ZNF83: variants seen among roughly 807,000 people sequenced by gnomAD.
ZNF83 encodes the protein zinc finger protein 83, also known as zinc finger protein 816B.
For synonymous variants in ZNF83, 209 were observed against 213.0 expected, an observed-to-expected ratio of 0.98 and a Z score of 0.17; for missense variants, 552 against 629.9, an observed-to-expected ratio of 0.88 and a Z score of 1.32.
intron 2 of ZNF83, among the ~76,000 whole-genome samples, chr19:52,659,703 A>C (rs370201335): frequency 1.3e-5 from 2 of 152,146 alleles, no homozygotes; most frequent in African/African-American, 4.8e-5. Flanking sequence ...AATGGCAAAA[A>C]TTTCTAATTT....
chr19:52,656,433 G>A (rs1174280104), intron 2 of ZNF83, among the ~76,000 whole-genome samples: 2 of 152,152 alleles, frequency 1.3e-5, no homozygotes, highest in Non-Finnish European at 2.9e-5. Flanking sequence ...GCCGAGGCAG[G>A]GGAATTGCTT....
rs1448336029 is a variant in ZNF83 at position 52,626,879 on chromosome 19, A to G, written c.-234+8187T>C. ...ATTTTGTTTTATTTTTCTTATTAAT[A>G]TAAGAAGACAGGAATGTCAGGCCTC... On this transcript the variant is annotated intron_variant, in intron 2 of 2. Coordinates refer to ENST00000301096, the Ensembl canonical transcript of ZNF83. Among the ~76,000 whole-genome samples, 5 of 152,150 alleles carry G rather than the reference A, an allele frequency of 3.3e-5. No homozygotes were observed. The East Asian group carries it at 9.6e-4, about 29-fold the overall frequency.
At chr19:52,665,311 G>A (rs1023661822) in intron 1 of ZNF83, among the ~76,000 whole-genome samples, 1 of 152,016 alleles carries the variant, frequency 6.6e-6, no homozygotes. Flanking sequence ...AGCTACTCAG[G>A]AAGCAGGGGT....
intron 3 of ZNF83, chr19:52,654,239 C>A: frequency 6.3e-7 from 1 of 1,576,578 alleles, no homozygotes; most frequent in Non-Finnish European, 8.7e-7. Flanking sequence ...CTTTTAATTT[C>A]TTGCCACTGA....
chr19:52,673,306 A>T (rs567384277), intron 1 of ZNF83, among the ~76,000 whole-genome samples: 8 of 152,180 alleles, frequency 5.3e-5, no homozygotes, highest in Non-Finnish European at 1.2e-4. Flanking sequence ...AGAGTTCGAG[A>T]CCAGCCTGAC....
intron 2 of ZNF83, among the ~76,000 whole-genome samples, chr19:52,630,576 T>C (rs113621620): frequency 0.025 from 3,765 of 152,212 alleles, 173 homozygotes; most frequent in African/African-American, 0.078. Flanking sequence ...TGACTATTCC[T>C]GGACTACAGC....
intron 2 of ZNF83, chr19:52,617,940 C>T (rs649833): frequency 1 from 152,374 of 152,374 alleles, 76,187 homozygotes; most frequent in Non-Finnish European, 1. Flanking sequence ...AGGAAAATAT[C>T]TCACAAATTC....
intron 2 of ZNF83, among the ~76,000 whole-genome samples, chr19:52,620,854 A>C (rs1312132424): frequency 6.6e-6 from 1 of 152,136 alleles, no homozygotes; most frequent in East Asian, 1.9e-4. Flanking sequence ...GATCAACCTC[A>C]TGACATTCTT....
exon 3 of ZNF83, chr19:52,613,667 G>C (rs1285930654): frequency 6.2e-7 from 1 of 1,613,548 alleles, no homozygotes; most frequent in Non-Finnish European, 8.5e-7. Flanking sequence ...GATGACTTGT[G>C]ACTGAAGACC....
chr19:52,616,057 C>T (rs540954257), intron 2 of ZNF83, among the ~76,000 whole-genome samples: 5 of 152,296 alleles, frequency 3.3e-5, no homozygotes, highest in South Asian at 2.1e-4. Context: ...AGGCTGGTCT[C>T]GAACTCCTGA....
In ZNF83 at chr19:52,670,996, A is replaced by T. The variant is rs374915771; in HGVS notation, c.-282-10153T>A. Reference sequence around the variant, plus strand: ...TGAATGTTTTTTATTCAGACCTTTAAAAGGTGTTAGATTTTTAGTTATTCT... The same window carrying T: ...TGAATGTTTTTTATTCAGACCTTTATAAGGTGTTAGATTTTTAGTTATTCT... On this transcript the variant is annotated intron_variant, in intron 1 of 5. Coordinates refer to the ZNF83 transcript ENST00000594682. Among the ~76,000 whole-genome samples the T allele has an allele frequency of 2.3e-4, 35 of 152,308 alleles. No homozygotes were observed. In the East Asian group the frequency reaches 3.3e-3, roughly 14 times the overall value.
intron 1 of ZNF83, among the ~76,000 whole-genome samples, chr19:52,689,890 G>A (rs1441473625): frequency 2.6e-5 from 4 of 152,242 alleles, no homozygotes; most frequent in Non-Finnish European, 4.4e-5. Context: ...CAGGCCCCGG[G>A]CACCTCCCCA....
intron 1 of ZNF83, among the ~76,000 whole-genome samples, chr19:52,662,014 G>A (rs1007950750): frequency 6.6e-5 from 10 of 152,014 alleles, no homozygotes; most frequent in Non-Finnish European, 1.3e-4. Flanking sequence ...AGCAGAGGGA[G>A]TGAGGAGGAC....
intron 3 of ZNF83, chr19:52,654,349 C>T (rs1439437776): frequency 7.4e-7 from 1 of 1,346,672 alleles, no homozygotes; most frequent in Non-Finnish European, 1.0e-6. Context: ...GATCACTTCT[C>T]CTGTATTACC....
intron 1 of ZNF83, among the ~76,000 whole-genome samples, chr19:52,680,502 T>C (rs1003808746): frequency 1.3e-5 from 2 of 151,592 alleles, no homozygotes; most frequent in Non-Finnish European, 2.9e-5. Flanking sequence ...AAAGAGAAAA[T>C]AAGTACTAAT....
At chr19:52,614,061 G>A in exon 3 of ZNF83, 1 of 1,611,408 alleles carries the variant, frequency 6.2e-7, no homozygotes, top group East Asian at 2.2e-5. Context: ...TATGAATCCT[G>A]CGATGCTGTG....
chr19:52,622,263 C>G (rs962761646), intron 2 of ZNF83, among the ~76,000 whole-genome samples: 3 of 152,158 alleles, frequency 2.0e-5, no homozygotes, highest in African/African-American at 7.2e-5. Context: ...ACCATTTTCT[C>G]TATCAGACCT....
intron 2 of ZNF83, among the ~76,000 whole-genome samples, chr19:52,655,919 A>G (rs987812209): frequency 1.9e-5 from 2 of 107,266 alleles, no homozygotes; most frequent in African/African-American, 7.9e-5. Flanking sequence ...GGAAAATACA[A>G]AAAATATATG....
In ZNF83 at chr19:52,652,225, T is replaced by C. The variant is rs114564694; in HGVS notation, c.-74+3336A>G. 343 of 221,662 alleles carry C rather than the reference T, an allele frequency of 1.5e-3. 1 individual carries two copies. Among genetic ancestry groups the C allele is most frequent in the African/African-American group, 7.8e-3 (328 of 42,266 alleles). The allele number at this position is 221,662 out of a possible 1,614,324, so 13.7% of individuals were successfully genotyped here. On this transcript the variant is annotated intron_variant, in intron 3 of 5. Coordinates refer to the ZNF83 transcript ENST00000594682. ...AGGCCGAGGCAGGCGGATCACAAGATCAAGAGTTGAGAGCAACCAGGCCAA... is the reference window on the plus strand; with the variant it reads ...AGGCCGAGGCAGGCGGATCACAAGACCAAGAGTTGAGAGCAACCAGGCCAA...
Sources: gnomAD v4.1 joint callset for allele counts (sites outside exome capture counted in the v4.1 genomes callset) on GRCh38, gnomAD v4.1.1 for gene constraint, MANE v1.5 for transcripts, NCBI Gene and HGNC (gene_info 2026-07-23, HGNC 2026-07-21) for gene names.